Variants in IFT56 observed in about 807,000 individuals in gnomAD.
IFT56 encodes intraflagellar transport 56, also known as intraflagellar transport protein 56.
chr7:139,152,454 A>G, the IFT56 span, among the ~76,000 whole-genome samples: 1 of 152,172 alleles, frequency 6.6e-6, no homozygotes, highest in Non-Finnish European at 1.5e-5. Context: ...CTAATAGCCT[A>G]TTTTTCTTTT....
At chr7:139,182,632 T>C in the IFT56 span, among the ~76,000 whole-genome samples, 1 of 152,068 alleles carries the variant, frequency 6.6e-6, no homozygotes, top group Non-Finnish European at 1.5e-5. Context: ...TAGTTAGTGG[T>C]GGTAGTAGCA....
At chr7:139,160,916 A>G in the IFT56 span, 1 of 1,575,506 alleles carries the variant, frequency 6.3e-7, no homozygotes, top group East Asian at 2.2e-5. Flanking sequence ...TACACTTGTC[A>G]TTTTCATAAG....
At chr7:139,172,497 C>T in the IFT56 span, 1 of 433,300 alleles carries the variant, frequency 2.3e-6, no homozygotes, top group Non-Finnish European at 4.5e-6. Context: ...GTTGTTCTTA[C>T]AGAACCATCA....
the IFT56 span, among the ~76,000 whole-genome samples, chr7:139,186,531 A>C: frequency 6.6e-6 from 1 of 152,196 alleles, no homozygotes; most frequent in African/African-American, 2.4e-5. Flanking sequence ...AATGTGTAGT[A>C]CATTTGGGAA....
chr7:139,146,582 A>G, the IFT56 span, among the ~76,000 whole-genome samples: 113 of 152,238 alleles, frequency 7.4e-4, no homozygotes, highest in African/African-American at 2.6e-3. Context: ...CCTGGCCAAC[A>G]TGGTGAAACC....
the IFT56 span, chr7:139,179,655 T>C: frequency 3.8e-6 from 6 of 1,596,782 alleles, no homozygotes; most frequent in African/African-American, 8.1e-5. Flanking sequence ...TGAGTCTTCT[T>C]TTTTTAAATA....
the IFT56 span, among the ~76,000 whole-genome samples, chr7:139,135,277 C>CAAAAAAA: frequency 7.9e-5 from 5 of 62,986 alleles, no homozygotes; most frequent in Non-Finnish European, 1.7e-4. Flanking sequence ...GACTCCGTCT[C>CAAAAAAA]AAAAAAAAAA....
chr7:139,179,499 A>G, the IFT56 span: 1 of 1,244,326 alleles, frequency 8.0e-7, no homozygotes, highest in Non-Finnish European at 1.2e-6. Context: ...TCATCAATCT[A>G]AGGCAAGCCA....
chr7:139,149,134 T>A, the IFT56 span, among the ~76,000 whole-genome samples: 192 of 151,564 alleles, frequency 1.3e-3, no homozygotes, highest in African/African-American at 4.6e-3. Flanking sequence ...TGAAACTCCA[T>A]CTCTACTAAA....
the IFT56 span, chr7:139,178,721 A>G: frequency 1.2e-6 from 1 of 824,068 alleles, no homozygotes; most frequent in Non-Finnish European, 1.9e-6. Flanking sequence ...CTTAGGATGC[A>G]TGAATAAGTA....
At chr7:139,187,323 C>A in the IFT56 span, 4 of 1,514,758 alleles carry the variant, frequency 2.6e-6, no homozygotes, top group Non-Finnish European at 2.7e-6. Flanking sequence ...TCATACAGTC[C>A]CGTTTCATGT....
chr7:139,161,024 TG>T, the IFT56 span: 2 of 1,613,242 alleles, frequency 1.2e-6, no homozygotes, highest in Non-Finnish European at 1.7e-6. Context: ...CACAATCTGG[TG>T]AATAACGATT....
chr7:139,168,326 G>A, the IFT56 span: 1 of 1,575,412 alleles, frequency 6.3e-7, no homozygotes, highest in Non-Finnish European at 8.7e-7. Context: ...CTTAATCAGT[G>A]TTATTCCATG....
chr7:139,134,805 G>T, the IFT56 span: 2 of 1,611,028 alleles, frequency 1.2e-6, no homozygotes, highest in South Asian at 2.2e-5. Flanking sequence ...AATGCCCAAA[G>T]AACGTTGCTT....
At chr7:139,154,990 T>G in the IFT56 span, among the ~76,000 whole-genome samples, 1 of 151,800 alleles carries the variant, frequency 6.6e-6, no homozygotes, top group Non-Finnish European at 1.5e-5. Flanking sequence ...TTAGGTGTTT[T>G]TAAATTTCAG....
the IFT56 span, among the ~76,000 whole-genome samples, chr7:139,164,603 C>T: frequency 6.6e-6 from 1 of 152,130 alleles, no homozygotes; most frequent in Non-Finnish European, 1.5e-5. Flanking sequence ...AAGTCAAGGT[C>T]ATATGCATCA....
chr7:139,151,729 C>T, the IFT56 span, among the ~76,000 whole-genome samples: 1 of 152,300 alleles, frequency 6.6e-6, no homozygotes, highest in Admixed American at 6.5e-5. Context: ...TCACATTGAT[C>T]TGTTTCTTTA....
chr7:139,163,854 G>C, the IFT56 span, among the ~76,000 whole-genome samples: 1 of 152,166 alleles, frequency 6.6e-6, no homozygotes, highest in Non-Finnish European at 1.5e-5. Context: ...AACCAAAAAA[G>C]CACTAAATAG....
At chr7:139,187,998 T>C in the IFT56 span, among the ~76,000 whole-genome samples, 1 of 152,036 alleles carries the variant, frequency 6.6e-6, no homozygotes, top group Admixed American at 6.5e-5. Flanking sequence ...GATAACTCTT[T>C]TGTTTTCTTT....
Sources: gnomAD v4.1 joint callset for allele counts (sites outside exome capture counted in the v4.1 genomes callset) on GRCh38, gnomAD v4.1.1 for gene constraint, MANE v1.5 for transcripts, NCBI Gene and HGNC (gene_info 2026-07-23, HGNC 2026-07-21) for gene names.